Variants in EPHA4 observed in about 807,000 individuals in gnomAD.
The protein encoded by EPHA4 is ephrin type-A receptor 4.
In EPHA4, 19 loss-of-function variants were observed where a neutral mutation model predicts 108.3. The observed-to-expected ratio is 0.18, with a 90% confidence interval of 0.12 to 0.26. The LOEUF is 0.26. EPHA4 is among the 10% of genes least tolerant of loss of function. The probability of loss-of-function intolerance (pLI) is 1.00; values close to 1 mark genes in which losing one functional copy is unlikely to be tolerated. For synonymous variants in EPHA4, 449 were observed against 455.5 expected (o/e 0.99, Z 0.18); for missense variants, 917 against 1,254.0 (o/e 0.73, Z 4.06).
chr2:221,572,396 C>T (rs1348334674), upstream of EPHA4: 19 of 628,532 alleles, frequency 3.0e-5, 1 homozygote, highest in South Asian at 3.0e-4. Context: ...CGGCCAATGG[C>T]GGCGCAGACA....
At chr2:221,502,519 A>G in intron 3 of EPHA4, 1 of 471,306 alleles carries the variant, frequency 2.1e-6, no homozygotes, top group Non-Finnish European at 4.4e-6. Flanking sequence ...GCAACGCAGC[A>G]GATCTTACTG....
intron 17 of EPHA4, among the ~76,000 whole-genome samples, chr2:221,421,299 C>CA (rs558743676): frequency 7.8e-4 from 95 of 121,560 alleles, no homozygotes; most frequent in Middle Eastern, 4.2e-3. Context: ...GACTCTGTCT[C>CA]AAAAAAAAAA....
At chr2:221,521,505 T>C (rs747650726) in intron 3 of EPHA4, among the ~76,000 whole-genome samples, 3 of 151,954 alleles carry the variant, frequency 2.0e-5, no homozygotes, top group Non-Finnish European at 2.9e-5. Context: ...CAGGAAGCAA[T>C]TGGAGAGACA....
intron 4 of EPHA4, among the ~76,000 whole-genome samples, chr2:221,487,745 C>T (rs981875261): frequency 6.6e-6 from 1 of 152,140 alleles, no homozygotes; most frequent in Non-Finnish European, 1.5e-5. Context: ...TTTAAGGGAA[C>T]ATAAACACCC....
chr2:221,572,345 C>G, upstream of EPHA4: 1 of 1,093,980 alleles, frequency 9.1e-7, no homozygotes, highest in Non-Finnish European at 1.3e-6. Flanking sequence ...GCCAAGGGGG[C>G]GGGCCCGGCC....
At chr2:221,544,013 G>C (rs977641059) in intron 3 of EPHA4, among the ~76,000 whole-genome samples, 4 of 152,092 alleles carry the variant, frequency 2.6e-5, no homozygotes, top group African/African-American at 9.7e-5. Flanking sequence ...GTGCCTTCTT[G>C]CTATATCCTG....
intron 14 of EPHA4, among the ~76,000 whole-genome samples, chr2:221,431,048 C>G (rs1389433440): frequency 3.3e-5 from 5 of 152,190 alleles, no homozygotes; most frequent in East Asian, 1.9e-4. Context: ...AGCCTTTTCT[C>G]TAACATCCTC....
At chr2:221,547,546 C>T (rs910467026) in intron 3 of EPHA4, among the ~76,000 whole-genome samples, 15 of 152,192 alleles carry the variant, frequency 9.9e-5, no homozygotes, top group African/African-American at 3.6e-4. Flanking sequence ...TCCAGCCTTG[C>T]AGCTGCATTT....
chr2:221,458,092 A>G, intron 5 of EPHA4, 102 bp from the exon 6 acceptor site: 3 of 1,446,660 alleles, frequency 2.1e-6, no homozygotes, highest in Non-Finnish European at 2.8e-6. Flanking sequence ...AAAGTGTGAA[A>G]GATTGTCTTG....
chr2:221,510,751 T>C (rs1469090715), intron 3 of EPHA4, among the ~76,000 whole-genome samples: 1 of 152,226 alleles, frequency 6.6e-6, no homozygotes, highest in Non-Finnish European at 1.5e-5. Context: ...GATGACTTAT[T>C]ATTTTCCCTT....
Position 221,460,355 on chromosome 2 carries a change from T to C in EPHA4, c.1319-2365A>G, listed in dbSNP as rs185156262. Among the ~76,000 whole-genome samples the C allele has an allele frequency of 2.0e-5, 3 of 152,296 alleles. No individual in the cohort carries two copies. In the East Asian group the frequency reaches 5.8e-4, roughly 29 times the overall value. ...CTGCTGAGTTGACATTTGTCTTTCATACCTACTGGAGAGATCAATTCAACC... is the reference window on the plus strand; with the variant it reads ...CTGCTGAGTTGACATTTGTCTTTCACACCTACTGGAGAGATCAATTCAACC... On this transcript the variant is annotated intron_variant, in intron 5 of 17. Transcript: ENST00000281821.
At chr2:221,490,901 T>C (rs1692122737) in intron 4 of EPHA4, among the ~76,000 whole-genome samples, 2 of 152,204 alleles carry the variant, frequency 1.3e-5, no homozygotes. Context: ...CCTCCTGACA[T>C]ATATGAACAG....
upstream of EPHA4, chr2:221,573,576 TC>T (rs1694914334): frequency 6.6e-6 from 1 of 152,112 alleles, no homozygotes; most frequent in Non-Finnish European, 1.5e-5. This position sits in a 1 kb window ranked among gnomAD's most constrained non-coding sequence, Gnocchi z 4.5. Flanking sequence ...CTCCTCTGAC[TC>T]CCTCCAGAGC....
intron 3 of EPHA4, among the ~76,000 whole-genome samples, chr2:221,534,692 C>G (rs1274626401): frequency 6.6e-6 from 1 of 152,150 alleles, no homozygotes; most frequent in East Asian, 1.9e-4. Flanking sequence ...CTTCTTTGTT[C>G]TACTAGGGCT....
intron 4 of EPHA4, among the ~76,000 whole-genome samples, chr2:221,500,382 T>C (rs1167003849): frequency 6.6e-6 from 1 of 152,162 alleles, no homozygotes; most frequent in Non-Finnish European, 1.5e-5. Context: ...CAAGTGTACA[T>C]GAAAGGAATG....
intron 3 of EPHA4, among the ~76,000 whole-genome samples, chr2:221,517,827 C>T (rs1327353226): frequency 1.3e-5 from 2 of 152,206 alleles, no homozygotes; most frequent in East Asian, 3.9e-4. Flanking sequence ...GCTTGGCCAC[C>T]AGGCCCTGGG....
intron 14 of EPHA4, among the ~76,000 whole-genome samples, chr2:221,431,681 G>T (rs920011525): frequency 6.6e-6 from 1 of 152,156 alleles, no homozygotes; most frequent in Non-Finnish European, 1.5e-5. Context: ...ATTTTGCACT[G>T]AATTGAGGAG....
chr2:221,567,012 A>AAGAAGAAGAAGAAGAAG lies in EPHA4; in HGVS notation c.159+1705_159+1706insCTTCTTCTTCTTCTTCT, dbSNP rs879781384. ...AGAAGAAGAAGAAGAAGAAGAAGAA[A>AAGAAGAAGAAGAAGAAG]AAAATGTCTGCAGCATATTAAATTG... is the stretch of plus-strand genomic sequence containing the variant. On this transcript the variant is annotated intron_variant, in intron 2 of 17. Coordinates refer to ENST00000281821, the MANE Select transcript of EPHA4 (RefSeq NM_004438.5). Among the ~76,000 whole-genome samples, 26 of 67,802 alleles carry AAGAAGAAGAAGAAGAAG rather than the reference A, an allele frequency of 3.8e-4. 4 individuals are homozygous for AAGAAGAAGAAGAAGAAG. The highest frequency in any genetic ancestry group is 2.7e-3 in the South Asian group (4 of 1,496). 44.5% of individuals were successfully genotyped at this position (67,802 alleles called of 152,430 possible). A position where few individuals can be genotyped will look rare whatever the true frequency, so the allele number is the denominator to read the frequency against.
intron 3 of EPHA4, among the ~76,000 whole-genome samples, chr2:221,538,948 T>G (rs988109676): frequency 6.6e-6 from 1 of 152,200 alleles, no homozygotes; most frequent in Non-Finnish European, 1.5e-5. Flanking sequence ...AATGCAAAGA[T>G]AAATACAGAC....
Sources: gnomAD v4.1 joint callset for allele counts (sites outside exome capture counted in the v4.1 genomes callset) on GRCh38, gnomAD v4.1.1 for gene constraint, Gnocchi (gnomAD v3.1) non-coding constraint, MANE v1.5 for transcripts, NCBI Gene and HGNC (gene_info 2026-07-23, HGNC 2026-07-21) for gene names.